The following ABLIM2 variants were observed in gnomAD, a reference collection of about 807,000 sequenced individuals.
ABLIM2 encodes the protein actin-binding LIM protein 2.
In ABLIM2, 53 loss-of-function variants were observed where a neutral mutation model predicts 97.7. The observed-to-expected ratio is 0.54, with a 90% confidence interval of 0.44 to 0.68. ABLIM2 has a LOEUF of 0.68. ABLIM2 is among the 30% of genes least tolerant of loss of function. The pLI, the probability that ABLIM2 is intolerant of heterozygous loss-of-function variation, is 0.00. For missense variants in ABLIM2, 835 were observed against 867.2 expected, an observed-to-expected ratio of 0.96 and a Z score of 0.47; for synonymous variants, 361 against 345.8, an observed-to-expected ratio of 1.04 and a Z score of -0.49.
Position 8,045,236 on chromosome 4 carries a change from G to A in ABLIM2, c.828C>T (p.Thr276=), listed in dbSNP as rs1319753893. The A allele has an allele frequency of 6.2e-7, 1 of 1,613,578 alleles. No individual in the cohort carries two copies. Among genetic ancestry groups the A allele is most frequent in the Non-Finnish European group, 8.5e-7 (1 of 1,179,586 alleles). The change falls in exon 9 of 21, where the codon ACC becomes ACT. Residue 276 remains threonine, a synonymous_variant. Coordinates refer to ENST00000447017, the MANE Select transcript of ABLIM2 (RefSeq NM_001130083.2). ...AAATGATGCTCTCTGAGGAAGTTCT[G>A]GTTTCCTGAGAAAGGAGAGAGGAAG... ...AARTEDRNKE[T]RTSSESIISV...
chr4:8,059,666 C>T (rs1270081704), intron 7 of ABLIM2, among the ~76,000 whole-genome samples: 1 of 152,050 alleles, frequency 6.6e-6, no homozygotes, highest in Admixed American at 6.6e-5. Flanking sequence ...CTTTGGGAGG[C>T]CGAGGCGGGC....
chr4:8,122,475 C>T lies in ABLIM2; in HGVS notation c.11-15838G>A, dbSNP rs1419295879. On this transcript the variant is annotated intron_variant, in intron 1 of 20. Coordinates refer to ENST00000447017, the MANE Select transcript of ABLIM2 (RefSeq NM_001130083.2). The surrounding 1 kb of genome is among the most constrained non-coding windows in gnomAD (Gnocchi z 4.1). The stretch of plus-strand genomic sequence containing the variant: ...TCGGTCCCTGGTGAGGGCTCCCTTC[C>T]TGGCTTGCAGACAGCCGCCTTCTTA... 1.3e-5 allele frequency among the ~76,000 whole-genome samples: 2 copies of T among 152,212 alleles called. No individual in the cohort carries two copies. Among genetic ancestry groups the T allele is most frequent in the East Asian group, 1.9e-4 (1 of 5,190 alleles).
chr4:8,014,349 C>T (rs1301811069), intron 14 of ABLIM2, among the ~76,000 whole-genome samples: 3 of 152,248 alleles, frequency 2.0e-5, no homozygotes, highest in African/African-American at 7.2e-5. Flanking sequence ...CTACGTCTTC[C>T]AGACTTAGCC....
chr4:7,981,137 G>T (rs1055079537), intron 20 of ABLIM2, among the ~76,000 whole-genome samples: 1 of 151,580 alleles, frequency 6.6e-6, no homozygotes, highest in Non-Finnish European at 1.5e-5. Context: ...TAGAGATGGG[G>T]TTTCACCATG....
chr4:7,977,520 T>A (rs555197750), intron 20 of ABLIM2, among the ~76,000 whole-genome samples: 31 of 152,314 alleles, frequency 2.0e-4, no homozygotes, highest in Non-Finnish European at 3.2e-4. Flanking sequence ...GCCGGTGTGG[T>A]GGCTCATGCC....
chr4:8,055,086 A>C (rs1234354873), intron 7 of ABLIM2, among the ~76,000 whole-genome samples: 3 of 151,950 alleles, frequency 2.0e-5, no homozygotes, highest in African/African-American at 7.3e-5. Context: ...GCTAATAAGA[A>C]TTCTACCTTG....
chr4:8,151,410 G>A (rs1383482907), intron 1 of ABLIM2, among the ~76,000 whole-genome samples: 5 of 152,140 alleles, frequency 3.3e-5, no homozygotes, highest in African/African-American at 9.7e-5. Context: ...TCCCACAGAC[G>A]CGAGGGACCC....
At chr4:8,152,236 G>A (rs991835752) in intron 1 of ABLIM2, among the ~76,000 whole-genome samples, 1 of 152,234 alleles carries the variant, frequency 6.6e-6, no homozygotes, top group African/African-American at 2.4e-5. Context: ...GCAGGCAGGG[G>A]ATAGGCAGAC....
intron 9 of ABLIM2, among the ~76,000 whole-genome samples, chr4:8,038,144 C>T (rs1785757373): frequency 6.6e-6 from 1 of 152,168 alleles, no homozygotes; most frequent in Non-Finnish European, 1.5e-5. Context: ...GCTGAGCCCT[C>T]CATCATCTGC....
rs1832126072 is a variant in ABLIM2 at position 8,097,275 on chromosome 4, G to A, written c.162C>T (p.Gly54=). 1.3e-6 allele frequency: 2 copies of A among 1,560,758 alleles called. No individual in the cohort carries two copies. The highest frequency in any genetic ancestry group is 2.4e-5 in the East Asian group (1 of 41,356). ...HIKCFVCKAC[G]CDLAEGGFFV... ...AGAAGCCGCCCTCGGCCAGGTCGCA[G>A]CCACATGCTGGGGGAGGACGGGCGA... The change falls in exon 3 of 21, where the codon GGC becomes GGT. Residue 54 remains glycine, a synonymous_variant. Transcript: ENST00000447017.
chr4:8,034,098 G>T (rs1782680461), intron 10 of ABLIM2, among the ~76,000 whole-genome samples: 1 of 152,206 alleles, frequency 6.6e-6, no homozygotes, highest in South Asian at 2.1e-4. Context: ...CACATCCTGT[G>T]GTCTTTGCGG....
Position 8,095,806 on chromosome 4 carries a change from G to A in ABLIM2, c.338+1293C>T, listed in dbSNP as rs192917724. On this transcript the variant is annotated intron_variant, in intron 3 of 20. Coordinates refer to ENST00000447017, the MANE Select transcript of ABLIM2 (RefSeq NM_001130083.2). This position sits in a 1 kb window ranked among gnomAD's most constrained non-coding sequence, Gnocchi z 4.7. ...TTTGGTGTCCACACTGCATGCCCTG[G>A]GGTTCGACGAGGAATCTCTGCCCTG... 8.1e-4 allele frequency among the ~76,000 whole-genome samples: 123 copies of A among 152,258 alleles called. 1 individual carries two copies. Among genetic ancestry groups the A allele is most frequent in the African/African-American group, 2.4e-3 (100 of 41,564 alleles).
In ABLIM2 at chr4:8,019,815, C is replaced by T; in HGVS notation, c.1370-144G>A. The T allele has an allele frequency of 2.5e-6, 2 of 790,506 alleles. No homozygotes were observed. Among genetic ancestry groups the T allele is most frequent in the Non-Finnish European group, 4.1e-6 (2 of 487,618 alleles). 49.0% of individuals were successfully genotyped at this position (790,506 alleles called of 1,614,324 possible). A position where few individuals can be genotyped will look rare whatever the true frequency, so the allele number is the denominator to read the frequency against. On this transcript the variant is annotated intron_variant, in intron 13 of 20. Transcript: ENST00000447017. This position sits in a 1 kb window ranked among gnomAD's most constrained non-coding sequence, Gnocchi z 4.3. ...GCAGGAACTGGCACCCAGCGAGCGA[C>T]AGACACCCAGGCCCCAGATCAAGCC...
Position 8,124,290 on chromosome 4 carries a change from A to G in ABLIM2, c.11-17653T>C, listed in dbSNP as rs930203042. On this transcript the variant is annotated intron_variant, in intron 1 of 20. Coordinates refer to ENST00000447017, the MANE Select transcript of ABLIM2 (RefSeq NM_001130083.2). The surrounding 1 kb of genome is among the most constrained non-coding windows in gnomAD (Gnocchi z 6.1). ...GAGATATAATTCACATAGCCGTACAATTTGCCTGTTTGGAATGCACACTCA... is the reference window on the plus strand; with the variant it reads ...GAGATATAATTCACATAGCCGTACAGTTTGCCTGTTTGGAATGCACACTCA... Among the ~76,000 whole-genome samples the G allele has an allele frequency of 1.3e-5, 2 of 152,206 alleles. No individual in the cohort carries two copies. The highest frequency in any genetic ancestry group is 4.8e-5 in the African/African-American group (2 of 41,450).
chr4:7,983,165 G>T, intron 20 of ABLIM2, 99 bp downstream of exon 20: 1 of 1,269,612 alleles, frequency 7.9e-7, no homozygotes, highest in Non-Finnish European at 1.1e-6. Context: ...TGTCCCCCAC[G>T]GTGGCCCCTT....
In ABLIM2 at chr4:8,068,386, G is replaced by T. The variant is rs1301801971; in HGVS notation, c.676-7332C>A. ...CCTGTGGTGGCTCAGGGTGACCACAGGTCCTCAGCCAGTGCTGGGTCAGAG... is the reference window on the plus strand; with the variant it reads ...CCTGTGGTGGCTCAGGGTGACCACATGTCCTCAGCCAGTGCTGGGTCAGAG... On this transcript the variant is annotated intron_variant, in intron 6 of 20. Transcript: ENST00000447017. The surrounding 1 kb of genome is among the most constrained non-coding windows in gnomAD (Gnocchi z 4.5). Among the ~76,000 whole-genome samples, 1 of 152,188 alleles carries T rather than the reference G, an allele frequency of 6.6e-6. No individual in the cohort carries two copies. The highest frequency in any genetic ancestry group is 1.5e-5 in the Non-Finnish European group (1 of 68,032).
rs936031851 is a variant in ABLIM2 at position 8,126,654 on chromosome 4, C to T, written c.11-20017G>A. 5.3e-5 allele frequency among the ~76,000 whole-genome samples: 8 copies of T among 152,254 alleles called. No individual in the cohort carries two copies. The South Asian group carries it at 1.0e-3, about 20-fold the overall frequency. ...CATTCATGCTGTCCCCCGAGCAGGA[C>T]ACCGGGCCAGGCAGGTGCTACTGCG... On this transcript the variant is annotated intron_variant, in intron 1 of 20. Transcript: ENST00000447017.
chr4:8,013,652 C>T (rs569958800), intron 14 of ABLIM2, among the ~76,000 whole-genome samples: 1 of 152,344 alleles, frequency 6.6e-6, no homozygotes, highest in East Asian at 1.9e-4. Flanking sequence ...GTCTGTCTGA[C>T]CCTGAAGCCA....
chr4:8,019,601 G>A lies in ABLIM2; in HGVS notation c.1423+17C>T. The A allele has an allele frequency of 1.9e-6, 3 of 1,605,076 alleles. No individual in the cohort carries two copies. Among genetic ancestry groups the A allele is most frequent in the Non-Finnish European group, 2.5e-6 (3 of 1,176,622 alleles). On this transcript the variant is annotated intron_variant, in intron 14 of 20. Coordinates refer to ENST00000447017, the MANE Select transcript of ABLIM2 (RefSeq NM_001130083.2). This position sits in a 1 kb window ranked among gnomAD's most constrained non-coding sequence, Gnocchi z 4.3. ...CATGCGGGGCAAACCACAGCAGCGG[G>A]AGGAATCCAACCGTACCATGCTGTC...
Sources: allele counts gnomAD v4.1 joint callset (sites outside exome capture counted in the v4.1 genomes callset), GRCh38; gene constraint gnomAD v4.1.1; non-coding constraint Gnocchi (gnomAD v3.1); transcripts MANE v1.5; gene names NCBI Gene and HGNC (gene_info 2026-07-23, HGNC 2026-07-21).